The following MED26 variants were observed in gnomAD, a reference collection of about 807,000 sequenced individuals.
MED26 encodes the protein mediator of RNA polymerase II transcription subunit 26.
MED26 carries 7 observed loss-of-function variants against 43.7 expected under a neutral mutation model. The ratio of observed to expected loss-of-function variants is 0.16; its 90% CI spans 0.09 to 0.30. The LOEUF is 0.30. Ranked by LOEUF, MED26 falls within the 10% of genes least tolerant of loss-of-function variation. MED26 has a pLI of 1.00. For missense variants in MED26, 784 were observed against 840.6 expected, an observed-to-expected ratio of 0.93 and a Z score of 0.83; for synonymous variants, 375 against 371.1, an observed-to-expected ratio of 1.01 and a Z score of -0.12.
chr19:16,617,768 C>A (rs1270156657), intron 1 of MED26, among the ~76,000 whole-genome samples: 1 of 151,918 alleles, frequency 6.6e-6, no homozygotes, highest in Non-Finnish European at 1.5e-5. Context: ...CAGAGGCCCA[C>A]AAGTTCAGGC....
chr19:16,584,522 A>G (rs2086062145), intron 1 of MED26, among the ~76,000 whole-genome samples: 1 of 152,172 alleles, frequency 6.6e-6, no homozygotes, highest in African/African-American at 2.4e-5. Flanking sequence ...ACCCCTCAGA[A>G]GCAGCCTGGG....
chr19:16,602,914 C>A (rs2122424213), intron 1 of MED26, among the ~76,000 whole-genome samples: 1 of 152,288 alleles, frequency 6.6e-6, no homozygotes, highest in African/African-American at 2.4e-5. Flanking sequence ...GTGATCATGA[C>A]CACACAACCA....
In MED26 at chr19:16,577,707, A is replaced by T. The variant is rs372944206; in HGVS notation, c.148-25T>A. 2 of 1,530,730 alleles carry T rather than the reference A, an allele frequency of 1.3e-6. No homozygotes were observed. Among genetic ancestry groups the T allele is most frequent in the East Asian group, 4.6e-5 (2 of 43,618 alleles). The allele number at this position is 1,530,730 out of a possible 1,614,324, so 94.8% of individuals were successfully genotyped here. On this transcript the variant is annotated intron_variant, in intron 2 of 2. Transcript: ENST00000263390. The surrounding 1 kb of genome is among the most constrained non-coding windows in gnomAD (Gnocchi z 8.1). The stretch of plus-strand genomic sequence containing the variant: ...CCTACAACCAGAGGGAGATGATGAC[A>T]TACTTTCGGGACAGGAACTTCTCCA...
At chr19:16,593,234 G>A (rs1465645089) in intron 1 of MED26, among the ~76,000 whole-genome samples, 1 of 152,192 alleles carries the variant, frequency 6.6e-6, no homozygotes, top group Admixed American at 6.5e-5. Flanking sequence ...CTGTGCAGAG[G>A]ACAGGGCCAA....
chr19:16,619,662 A>G (rs2086242518), intron 1 of MED26, among the ~76,000 whole-genome samples: 2 of 151,940 alleles, frequency 1.3e-5, no homozygotes, highest in Non-Finnish European at 2.9e-5. Context: ...GGTGTGGGCC[A>G]TGGGTCACAC....
chr19:16,624,098 T>C (rs1464608773), intron 1 of MED26, among the ~76,000 whole-genome samples: 2 of 151,346 alleles, frequency 1.3e-5, no homozygotes, highest in African/African-American at 2.4e-5. Context: ...ACAATGTACC[T>C]TGCAAAGATA....
chr19:16,597,521 A>G (rs2122414535), intron 1 of MED26: 2 of 398,568 alleles, frequency 5.0e-6, no homozygotes, highest in Middle Eastern at 6.3e-4. Flanking sequence ...CTGGGTGAGC[A>G]TCAGGTTAAG....
chr19:16,626,112 T>C (rs2086273712), intron 1 of MED26, among the ~76,000 whole-genome samples: 2 of 152,150 alleles, frequency 1.3e-5, no homozygotes, highest in South Asian at 4.1e-4. Flanking sequence ...TACTGGAAAC[T>C]GTGAGGTCAC....
At chr19:16,619,374 A>G (rs866006863) in intron 1 of MED26, among the ~76,000 whole-genome samples, 7 of 152,288 alleles carry the variant, frequency 4.6e-5, no homozygotes, top group South Asian at 4.1e-4. Context: ...GTTAGCTACC[A>G]TGGTAACTAC....
At chr19:16,583,461 C>T (rs1160885091) in intron 1 of MED26, among the ~76,000 whole-genome samples, 4 of 152,096 alleles carry the variant, frequency 2.6e-5, no homozygotes, top group Admixed American at 6.5e-5. Context: ...TCAGTTTGGC[C>T]TCTTCATTGC....
At chr19:16,625,081 GCA>G (rs2086268166) in intron 1 of MED26, among the ~76,000 whole-genome samples, 1 of 152,202 alleles carries the variant, frequency 6.6e-6, no homozygotes, top group African/African-American at 2.4e-5. Context: ...GAACAATCAT[GCA>G]CACACTGCGC....
intron 1 of MED26, among the ~76,000 whole-genome samples, chr19:16,582,467 C>T (rs546903685): frequency 6.6e-6 from 1 of 152,376 alleles, no homozygotes; most frequent in South Asian, 2.1e-4. Context: ...CCAATTGGTG[C>T]TGGTCCCATA....
chr19:16,621,153 G>A (rs1050251141), intron 1 of MED26, among the ~76,000 whole-genome samples: 2 of 152,230 alleles, frequency 1.3e-5, no homozygotes, highest in African/African-American at 2.4e-5. Context: ...GAAGACTGTC[G>A]TAGTTAAGCC....
intron 1 of MED26, among the ~76,000 whole-genome samples, chr19:16,594,143 C>T (rs1434046567): frequency 6.6e-6 from 1 of 152,218 alleles, no homozygotes. Context: ...CATATAGTGG[C>T]GGCACAGTGT....
intron 1 of MED26, chr19:16,588,716 C>A (rs1011646811): frequency 6.6e-6 from 1 of 152,418 alleles, no homozygotes; most frequent in African/African-American, 2.4e-5. Flanking sequence ...GCTCTGTGGT[C>A]TGTAAGATCC....
rs1425353067 is a variant in MED26, at chr19:16,577,292, G to A, written c.538C>T (p.Leu180Phe). The A allele has an allele frequency of 1.2e-6, 2 of 1,611,532 alleles. No individual in the cohort carries two copies. The highest frequency in any genetic ancestry group is 8.5e-7 in the Non-Finnish European group (1 of 1,178,570). Residue 180 changes from leucine (L) to phenylalanine (F), a missense_variant, in exon 3 of 3, where the codon CTC becomes TTC. By Grantham distance (22) the Leu-to-Phe change is conservative (BLOSUM62 0). Transcript: ENST00000263390. This position sits in a 1 kb window ranked among gnomAD's most constrained non-coding sequence, Gnocchi z 8.1. ...CTCCCACTGATCCCGTTGGTGGGGA[G>A]GGGGGATGAGTTGGGGACCAGGGGG... ...HDPLVPNSSP[L>F]PTNGISGSPE...
At chr19:16,592,258 T>C (rs562783252) in intron 1 of MED26, among the ~76,000 whole-genome samples, 1 of 152,324 alleles carries the variant, frequency 6.6e-6, no homozygotes, top group African/African-American at 2.4e-5. Flanking sequence ...GGGGGTGTGA[T>C]GTGCCCAAGT....
At chr19:16,585,526 G>A (rs895035738) in intron 1 of MED26, among the ~76,000 whole-genome samples, 3 of 152,132 alleles carry the variant, frequency 2.0e-5, no homozygotes. Context: ...TCCAGGACCT[G>A]CCCAGCCCCA....
intron 1 of MED26, among the ~76,000 whole-genome samples, chr19:16,627,595 G>T (rs1323921326): frequency 2.6e-5 from 4 of 152,214 alleles, no homozygotes; most frequent in Non-Finnish European, 5.9e-5. Context: ...CGTAGAGCTG[G>T]AGCAGAAAGG....
Sources: gnomAD v4.1 joint callset for allele counts (sites outside exome capture counted in the v4.1 genomes callset) on GRCh38, gnomAD v4.1.1 for gene constraint, Gnocchi (gnomAD v3.1) non-coding constraint, MANE v1.5 for transcripts, NCBI Gene and HGNC (gene_info 2026-07-23, HGNC 2026-07-21) for gene names.